The following PRR16 variants were observed in gnomAD, a reference collection of about 807,000 sequenced individuals.
The protein encoded by PRR16 is protein Largen.
Under a neutral mutation model 18.2 loss-of-function variants are expected in PRR16, and 6 were observed. That is an observed-to-expected ratio of 0.33 (90% CI 0.18 to 0.65). The LOEUF (loss-of-function observed/expected upper bound fraction) is 0.65. Ranked by LOEUF, PRR16 falls within the 30% of genes least tolerant of loss-of-function variation. PRR16 has a pLI of 0.74. For missense variants in PRR16, 412 were observed against 376.6 expected (o/e 1.09, Z -0.78); for synonymous variants, 151 against 147.8 (o/e 1.02, Z -0.16).
At chr5:120,714,139 T>C in the PRR16 span, among the ~76,000 whole-genome samples, 2 of 152,122 alleles carry the variant, frequency 1.3e-5, no homozygotes, top group Non-Finnish European at 2.9e-5. Context: ...AATCACAATA[T>C]TAAGTTCACT....
chr5:120,620,429 A>G (rs1375461), intron 1 of PRR16, among the ~76,000 whole-genome samples: 2 of 152,092 alleles, frequency 1.3e-5, no homozygotes, highest in South Asian at 2.1e-4. Context: ...TTTGTTGTCA[A>G]ATCAAAACAA....
chr5:120,763,521 G>T, the PRR16 span, among the ~76,000 whole-genome samples: 1 of 151,988 alleles, frequency 6.6e-6, no homozygotes, highest in Non-Finnish European at 1.5e-5. Flanking sequence ...TTTTGCTCAG[G>T]ATTGCTTTGA....
chr5:120,530,615 T>G (rs1052975559), intron 1 of PRR16, among the ~76,000 whole-genome samples: 6 of 152,102 alleles, frequency 3.9e-5, no homozygotes, highest in African/African-American at 1.4e-4. Flanking sequence ...TGAAGCTAGT[T>G]CTAGGATAAC....
chr5:120,542,746 C>T (rs933161020), intron 1 of PRR16, among the ~76,000 whole-genome samples: 1 of 152,138 alleles, frequency 6.6e-6, no homozygotes, highest in Non-Finnish European at 1.5e-5. Flanking sequence ...GTGTCATCCC[C>T]TTGCAGTATT....
intron 1 of PRR16, among the ~76,000 whole-genome samples, chr5:120,587,656 A>G (rs928824069): frequency 6.6e-6 from 1 of 152,216 alleles, no homozygotes; most frequent in Non-Finnish European, 1.5e-5. Flanking sequence ...TCAGAAAAAA[A>G]TATTTCTTCT....
At chr5:120,792,371 CTTAAG>C in the PRR16 span, among the ~76,000 whole-genome samples, 5,823 of 152,194 alleles carry the variant, frequency 0.038, 150 homozygotes, top group South Asian at 0.075. Context: ...TGTTTTTTCT[CTTAAG>C]TTTTGATTAT....
chr5:120,557,762 A>T lies in PRR16; in HGVS notation c.159+93117A>T, dbSNP rs181658584. 2.6e-5 allele frequency among the ~76,000 whole-genome samples: 4 copies of T among 152,072 alleles called. No individual in the cohort carries two copies. In the East Asian group the frequency reaches 7.7e-4, roughly 29 times the overall value. The stretch of plus-strand genomic sequence containing the variant: ...ATACTTTGAAAAAGCAATATGAACC[A>T]TATCTGATAGATTATTGACAATTTG... On this transcript the variant is annotated intron_variant, in intron 1 of 1. Transcript: ENST00000407149.
the PRR16 span, among the ~76,000 whole-genome samples, chr5:120,704,525 A>T: frequency 1.3e-5 from 2 of 152,206 alleles, no homozygotes; most frequent in African/African-American, 4.8e-5. Context: ...TATGGTATAG[A>T]AACTAGAGCA....
chr5:120,584,084 G>A (rs984626985), intron 1 of PRR16, among the ~76,000 whole-genome samples: 1 of 152,138 alleles, frequency 6.6e-6, no homozygotes, highest in Non-Finnish European at 1.5e-5. Context: ...AAAAGCAAGG[G>A]AGGTCTTCTA....
intron 1 of PRR16, among the ~76,000 whole-genome samples, chr5:120,605,817 C>G (rs1754134979): frequency 6.6e-6 from 1 of 152,126 alleles, no homozygotes; most frequent in South Asian, 2.1e-4. Context: ...ATGCTCTTAC[C>G]CTGGCAGGCT....
In PRR16 at chr5:120,660,416, A is replaced by T. The variant is rs1458475465; in HGVS notation, c.160-25538A>T. Among the ~76,000 whole-genome samples, 3 of 152,088 alleles carry T rather than the reference A, an allele frequency of 2.0e-5. No homozygotes were observed. In the East Asian group the frequency reaches 5.8e-4, roughly 29 times the overall value. ...TGAGAATCTACATTTAAATAATCTC[A>T]CATATTATAGAATTAAAGTATTCAA... On this transcript the variant is annotated intron_variant, in intron 1 of 1. Coordinates refer to ENST00000407149, the MANE Select transcript of PRR16 (RefSeq NM_001300783.2).
At chr5:120,546,517 A>G (rs1024867589) in intron 1 of PRR16, among the ~76,000 whole-genome samples, 1 of 152,058 alleles carries the variant, frequency 6.6e-6, no homozygotes, top group African/African-American at 2.4e-5. Flanking sequence ...TGAATGGCTG[A>G]TTTGGTCAAT....
intron 1 of PRR16, among the ~76,000 whole-genome samples, chr5:120,523,951 A>G (rs1751270267): frequency 6.6e-6 from 1 of 152,208 alleles, no homozygotes; most frequent in Admixed American, 6.6e-5. Context: ...GTTCATATGT[A>G]GATCACAAGG....
In PRR16 at chr5:120,574,131, G is replaced by A. The variant is rs539120770; in HGVS notation, c.159+109486G>A. ...TTGGACCAAATGAAAATAAACTAAT[G>A]TTTAATCAAAAGTATCATAAAGTGA... On this transcript the variant is annotated intron_variant, in intron 1 of 1. Coordinates refer to ENST00000407149, the MANE Select transcript of PRR16 (RefSeq NM_001300783.2). Among the ~76,000 whole-genome samples, 28 of 152,070 alleles carry A rather than the reference G, an allele frequency of 1.8e-4. No individual in the cohort carries two copies. The South Asian group carries it at 5.8e-3, about 32-fold the overall frequency.
At chr5:120,525,130 T>C (rs1003462126) in intron 1 of PRR16, among the ~76,000 whole-genome samples, 1 of 152,052 alleles carries the variant, frequency 6.6e-6, no homozygotes, top group African/African-American at 2.4e-5. Context: ...TCTAATGCAG[T>C]CTTACTGATA....
chr5:120,779,309 T>C, the PRR16 span, among the ~76,000 whole-genome samples: 1 of 152,186 alleles, frequency 6.6e-6, no homozygotes, highest in Non-Finnish European at 1.5e-5. Flanking sequence ...AAAAACATTT[T>C]TGGCTTTAGA....
the PRR16 span, among the ~76,000 whole-genome samples, chr5:120,706,476 G>A: frequency 6.6e-6 from 1 of 152,126 alleles, no homozygotes; most frequent in Non-Finnish European, 1.5e-5. Flanking sequence ...TAACAAAACA[G>A]CAAACACACA....
Position 120,636,843 on chromosome 5 carries a change from T to G in PRR16, c.160-49111T>G, listed in dbSNP as rs553226150. On this transcript the variant is annotated intron_variant, in intron 1 of 1. Transcript: ENST00000407149. ...AAATAAATAATAATAATCAGCAGAGTCAACAGCCAACCCACAGAGTGAGAG... is the reference window on the plus strand; with the variant it reads ...AAATAAATAATAATAATCAGCAGAGGCAACAGCCAACCCACAGAGTGAGAG... Among the ~76,000 whole-genome samples, 15 of 151,642 alleles carry G rather than the reference T, an allele frequency of 9.9e-5. No individual in the cohort carries two copies. In the South Asian group the frequency reaches 3.1e-3, roughly 32 times the overall value.
At chr5:120,593,528 A>AG (rs1753706293) in intron 1 of PRR16, among the ~76,000 whole-genome samples, 1 of 151,582 alleles carries the variant, frequency 6.6e-6, no homozygotes, top group African/African-American at 2.4e-5. Flanking sequence ...CAAGAAAAAA[A>AG]AAGCCCAGAA....
Sources: gnomAD v4.1 joint callset for allele counts (sites outside exome capture counted in the v4.1 genomes callset) on GRCh38, gnomAD v4.1.1 for gene constraint, MANE v1.5 for transcripts, NCBI Gene and HGNC (gene_info 2026-07-23, HGNC 2026-07-21) for gene names.